Variants in ELMO1 observed in about 807,000 individuals in gnomAD.
ELMO1 encodes the protein engulfment and cell motility 1.
Under a neutral mutation model 98.9 loss-of-function variants are expected in ELMO1, and 26 were observed. The observed-to-expected ratio is 0.26, with a 90% CI of 0.19 to 0.36. The LOEUF is 0.36. ELMO1 is among the 10% of genes least tolerant of loss of function. ELMO1 has a pLI of 1.00. For synonymous variants in ELMO1, 346 were observed against 346.0 expected (o/e 1.00, Z 0.00); for missense variants, 627 against 935.2 (o/e 0.67, Z 4.30).
At chr7:37,254,801 C>A (rs908660247) in intron 6 of ELMO1, among the ~76,000 whole-genome samples, 14 of 152,160 alleles carry the variant, frequency 9.2e-5, no homozygotes, top group Admixed American at 6.5e-5. Flanking sequence ...GTGTGATACT[C>A]CTTTTTTTAA....
chr7:36,883,302 T>C (rs1371602690), intron 18 of ELMO1, among the ~76,000 whole-genome samples: 1 of 152,234 alleles, frequency 6.6e-6, no homozygotes, highest in Non-Finnish European at 1.5e-5. Context: ...ACCAAGGCCA[T>C]TCAATGCAAG....
At chr7:36,985,249 A>G (rs1179905402) in intron 16 of ELMO1, 1 of 343,828 alleles carries the variant, frequency 2.9e-6, no homozygotes, top group African/African-American at 2.2e-5. Flanking sequence ...GGGGTTTGAA[A>G]GGATGCAAAA....
chr7:37,279,328 T>G (rs965163984), intron 4 of ELMO1, among the ~76,000 whole-genome samples: 4 of 152,160 alleles, frequency 2.6e-5, no homozygotes, highest in African/African-American at 9.6e-5. Flanking sequence ...GGGATCATCA[T>G]GGCGGACGGG....
chr7:37,325,031 T>C (rs774141317), intron 2 of ELMO1, among the ~76,000 whole-genome samples: 2 of 152,204 alleles, frequency 1.3e-5, no homozygotes, highest in Non-Finnish European at 2.9e-5. Context: ...ACCTGGTACA[T>C]AGTAGGGCAT....
At chr7:36,972,075 G>A (rs573707453) in intron 16 of ELMO1, among the ~76,000 whole-genome samples, 3 of 152,126 alleles carry the variant, frequency 2.0e-5, no homozygotes, top group South Asian at 2.1e-4. Flanking sequence ...TTTCATTGTC[G>A]AGCACTTATT....
At chr7:37,271,700 G>C in intron 5 of ELMO1, 132 bp downstream of exon 5, 1 of 881,278 alleles carries the variant, frequency 1.1e-6, no homozygotes. Flanking sequence ...TCCAGAATCT[G>C]CATGTCAGGA....
intron 15 of ELMO1, among the ~76,000 whole-genome samples, chr7:37,078,602 G>A (rs1369121146): frequency 6.6e-6 from 1 of 152,054 alleles, no homozygotes; most frequent in African/African-American, 2.4e-5. Context: ...GGTTAATTTG[G>A]TAAATAAATA....
chr7:37,193,887 C>T (rs1412790167), intron 13 of ELMO1, among the ~76,000 whole-genome samples: 1 of 152,182 alleles, frequency 6.6e-6, no homozygotes, highest in Non-Finnish European at 1.5e-5. Context: ...GACTCTAGTA[C>T]ACACTTAGAG....
At chr7:36,877,710 G>GT in intron 19 of ELMO1, among the ~76,000 whole-genome samples, 1 of 152,312 alleles carries the variant, frequency 6.6e-6, no homozygotes, top group Non-Finnish European at 1.5e-5. Flanking sequence ...GGTTTGTATT[G>GT]TTTTTGCTCC....
chr7:37,140,239 A>G (rs544866898), intron 13 of ELMO1, among the ~76,000 whole-genome samples: 20 of 151,794 alleles, frequency 1.3e-4, no homozygotes, highest in Admixed American at 1.2e-3. Context: ...ACAAAAAATT[A>G]GCTGGGCGTG....
intron 16 of ELMO1, among the ~76,000 whole-genome samples, chr7:36,963,193 C>T (rs147200045): frequency 0.016 from 2,421 of 151,916 alleles, 68 homozygotes; most frequent in African/African-American, 0.055. Flanking sequence ...TCCTGGCCAA[C>T]ACAGTGAAAC....
intron 2 of ELMO1, among the ~76,000 whole-genome samples, chr7:37,338,355 A>G (rs187070763): frequency 1.3e-5 from 2 of 152,282 alleles, no homozygotes; most frequent in East Asian, 3.9e-4. Context: ...GTATAAAAAC[A>G]TGCTTGACAG....
intron 6 of ELMO1, among the ~76,000 whole-genome samples, chr7:37,256,569 AGG>A (rs1795661794): frequency 8.1e-6 from 1 of 124,206 alleles, no homozygotes; most frequent in African/African-American, 3.0e-5. Context: ...GAAGGAAGGA[AGG>A]AAGGAAAGGA....
chr7:37,345,408 G>A (rs1562632099), intron 1 of ELMO1, among the ~76,000 whole-genome samples: 1 of 151,972 alleles, frequency 6.6e-6, no homozygotes, highest in Non-Finnish European at 1.5e-5. Context: ...CGAGAAGGCA[G>A]CACCTGAGTA....
chr7:37,316,382 T>C (rs1190488552), intron 2 of ELMO1, among the ~76,000 whole-genome samples: 1 of 152,236 alleles, frequency 6.6e-6, no homozygotes, highest in East Asian at 1.9e-4. Flanking sequence ...GGATTCATGA[T>C]ATTTTTATAA....
At chr7:37,297,128 A>C (rs1798067537) in intron 4 of ELMO1, among the ~76,000 whole-genome samples, 1 of 152,206 alleles carries the variant, frequency 6.6e-6, no homozygotes, top group Admixed American at 6.5e-5. Flanking sequence ...GGCTCTCTCA[A>C]AATCAACTTA....
At chr7:37,309,533 A>C (rs1189691395) in intron 4 of ELMO1, among the ~76,000 whole-genome samples, 1 of 152,212 alleles carries the variant, frequency 6.6e-6, no homozygotes, top group African/African-American at 2.4e-5. Context: ...CAGTGACTTC[A>C]GTTGATCAAA....
At chr7:37,403,821 C>T (rs539193575) in intron 1 of ELMO1, among the ~76,000 whole-genome samples, 15 of 152,280 alleles carry the variant, frequency 9.9e-5, no homozygotes, top group Admixed American at 5.9e-4. Context: ...GCTGGGATTA[C>T]GGGCATGAGC....
chr7:37,011,727 C>T (rs894051979), intron 16 of ELMO1, among the ~76,000 whole-genome samples: 2 of 152,170 alleles, frequency 1.3e-5, no homozygotes, highest in African/African-American at 4.8e-5. Flanking sequence ...TTTCACACAG[C>T]AGCACATGAA....
Sources: gnomAD v4.1 joint callset for allele counts (sites outside exome capture counted in the v4.1 genomes callset) on GRCh38, gnomAD v4.1.1 for gene constraint, MANE v1.5 for transcripts, NCBI Gene and HGNC (gene_info 2026-07-23, HGNC 2026-07-21) for gene names.